Variants in ATG7 observed in about 807,000 individuals in gnomAD.
ATG7 encodes the protein ubiquitin-like modifier-activating enzyme ATG7.
ATG7 carries 70 observed loss-of-function variants against 82.4 expected under a neutral mutation model. That is an observed-to-expected ratio of 0.85 (90% CI 0.70 to 1.04). The LOEUF is 1.04. Among genes scored for constraint, ATG7 ranks in the 50% least tolerant of loss-of-function variants. The pLI is 0.00. For missense variants in ATG7, 792 were observed against 864.3 expected (o/e 0.92, Z 1.05); for synonymous variants, 287 against 313.0 (o/e 0.92, Z 0.88).
In ATG7 at chr3:11,522,382, A is replaced by G. The variant is rs74917053; in HGVS notation, c.2080-32429A>G. ...GTGCCTTCATTCCTTTCTGCTAACT[A>G]TAGGTGGGTTTACAGTAATTTGGAG... On this transcript the variant is annotated intron_variant, in intron 20 of 20. Coordinates refer to ENST00000693202, the MANE Select transcript of ATG7 (RefSeq NM_001349232.2). Among the ~76,000 whole-genome samples the G allele has an allele frequency of 6.6e-4, 101 of 152,202 alleles. 1 individual carries two copies. The East Asian group carries it at 0.017, about 25-fold the overall frequency.
chr3:11,326,207 G>A (rs1197407134), intron 9 of ATG7, among the ~76,000 whole-genome samples: 1 of 152,076 alleles, frequency 6.6e-6, no homozygotes, highest in African/African-American at 2.4e-5. Context: ...CTAATTGTAA[G>A]CTGTTTCAAT....
At chr3:11,463,800 G>C (rs1172341649) in intron 20 of ATG7, among the ~76,000 whole-genome samples, 11 of 152,134 alleles carry the variant, frequency 7.2e-5, no homozygotes, top group African/African-American at 2.4e-4. Flanking sequence ...CACTGGCCCT[G>C]GACTTCTCAC....
At chr3:11,407,350 T>G (rs964077248) in intron 19 of ATG7, among the ~76,000 whole-genome samples, 5 of 152,232 alleles carry the variant, frequency 3.3e-5, no homozygotes, top group Non-Finnish European at 5.9e-5. Context: ...CCTGTGGCTT[T>G]GCAGGGTGCA....
intron 18 of ATG7, among the ~76,000 whole-genome samples, chr3:11,373,108 G>A (rs957728640): frequency 1.3e-5 from 2 of 150,898 alleles, no homozygotes; most frequent in African/African-American, 4.9e-5. Context: ...ACTATAAGGA[G>A]AAACTGACAA....
the ATG7 span, chr3:11,568,852 GC>G: frequency 1.4e-6 from 2 of 1,381,748 alleles, no homozygotes; most frequent in Non-Finnish European, 1.9e-6. The surrounding 1 kb of genome is among the most constrained non-coding windows in gnomAD (Gnocchi z 5.9). Context: ...TCCGTGCCAG[GC>G]CTATCAGAGC....
intron 9 of ATG7, among the ~76,000 whole-genome samples, chr3:11,326,252 C>T (rs557981790): frequency 6.6e-6 from 1 of 151,754 alleles, no homozygotes; most frequent in Non-Finnish European, 1.5e-5. Flanking sequence ...TCTCCCTTCT[C>T]CCCCTTTTTA....
chr3:11,277,720 CTT>C (rs1942117791), intron 1 of ATG7, among the ~76,000 whole-genome samples: 1 of 152,140 alleles, frequency 6.6e-6, no homozygotes, highest in Non-Finnish European at 1.5e-5. Context: ...TGATAAACAT[CTT>C]AAACAACAGA....
At chr3:11,524,972 C>T (rs907953358) in intron 20 of ATG7, among the ~76,000 whole-genome samples, 1 of 152,098 alleles carries the variant, frequency 6.6e-6, no homozygotes, top group Non-Finnish European at 1.5e-5. Flanking sequence ...TTTCCCTAGC[C>T]GCTTCAGAAT....
chr3:11,486,683 A>T (rs2089689838), intron 20 of ATG7, among the ~76,000 whole-genome samples: 2 of 152,048 alleles, frequency 1.3e-5, no homozygotes. Flanking sequence ...TCTGTCATAG[A>T]TAGCTCTTAT....
chr3:11,448,593 A>G (rs1192270364), intron 20 of ATG7, among the ~76,000 whole-genome samples: 1 of 152,216 alleles, frequency 6.6e-6, no homozygotes, highest in Non-Finnish European at 1.5e-5. Context: ...TGCACAAATG[A>G]GCAGTTGTGG....
intron 2 of ATG7, among the ~76,000 whole-genome samples, 193 bp from the exon 3 acceptor site, chr3:11,282,000 A>G (rs1308572248): frequency 6.6e-6 from 1 of 152,186 alleles, no homozygotes; most frequent in Admixed American, 6.5e-5. Flanking sequence ...TGGTTGGCAT[A>G]GGGCTCCACA....
chr3:11,412,161 A>G lies in ATG7; in HGVS notation c.1957-14643A>G, dbSNP rs549405557. On this transcript the variant is annotated intron_variant, in intron 19 of 20. Transcript: ENST00000693202. ...TGACTGACTAAAACTAGGGCTTTATATAGCAGGGAGGAAACATAACAATAT... is the reference window on the plus strand; with the variant it reads ...TGACTGACTAAAACTAGGGCTTTATGTAGCAGGGAGGAAACATAACAATAT... Among the ~76,000 whole-genome samples the G allele has an allele frequency of 3.5e-4, 54 of 152,252 alleles. 1 individual carries two copies. In the South Asian group the frequency reaches 0.011, roughly 30 times the overall value.
At chr3:11,352,317 T>C (rs2075617753) in intron 14 of ATG7, among the ~76,000 whole-genome samples, 1 of 152,232 alleles carries the variant, frequency 6.6e-6, no homozygotes, top group African/African-American at 2.4e-5. Context: ...AACATATGTG[T>C]GCATGTGTCT....
chr3:11,553,352 G>A (rs564541009), intron 20 of ATG7, among the ~76,000 whole-genome samples: 27 of 152,322 alleles, frequency 1.8e-4, no homozygotes, highest in African/African-American at 6.3e-4. Flanking sequence ...TACACAGCGT[G>A]TGGCACAGAG....
chr3:11,387,704 C>T (rs771309386), intron 19 of ATG7, among the ~76,000 whole-genome samples: 40 of 152,206 alleles, frequency 2.6e-4, no homozygotes, highest in African/African-American at 8.7e-4. Context: ...GGCGTGGTGG[C>T]GCACACCTGT....
At chr3:11,570,078 C>A in the ATG7 span, among the ~76,000 whole-genome samples, 1 of 152,094 alleles carries the variant, frequency 6.6e-6, no homozygotes, top group African/African-American at 2.4e-5. Flanking sequence ...TACCTGCTGC[C>A]CCCTGGGGTT....
At chr3:11,409,266 A>G (rs182123055) in intron 19 of ATG7, among the ~76,000 whole-genome samples, 4 of 152,354 alleles carry the variant, frequency 2.6e-5, no homozygotes, top group Admixed American at 6.5e-5. Context: ...CATATTTCAA[A>G]TTGTGAATTT....
chr3:11,395,965 A>AAAAGG (rs1435086133), intron 19 of ATG7, among the ~76,000 whole-genome samples: 7 of 78,082 alleles, frequency 9.0e-5, no homozygotes, highest in Admixed American at 1.5e-4. Context: ...AAAAAAAAAA[A>AAAAGG]GGTAGGGGGG....
At chr3:11,535,914 C>G (rs991512508) in intron 20 of ATG7, among the ~76,000 whole-genome samples, 4 of 152,174 alleles carry the variant, frequency 2.6e-5, no homozygotes, top group African/African-American at 9.7e-5. Flanking sequence ...AGCTTATGCT[C>G]CTTAGCAGAG....
Sources: allele counts gnomAD v4.1 joint callset (sites outside exome capture counted in the v4.1 genomes callset), GRCh38; gene constraint gnomAD v4.1.1; non-coding constraint Gnocchi (gnomAD v3.1); transcripts MANE v1.5; gene names NCBI Gene and HGNC (gene_info 2026-07-23, HGNC 2026-07-21).